The following TRIQK variants were observed in gnomAD, a reference collection of about 807,000 sequenced individuals.
The protein encoded by TRIQK is triple QxxK/R motif-containing protein.
A neutral mutation model predicts 10.8 loss-of-function variants in TRIQK; 10 were observed. The ratio of observed to expected loss-of-function variants is 0.92; its 90% CI spans 0.57 to 1.57. TRIQK has a LOEUF of 1.57. Ranked by LOEUF, TRIQK falls within the 40% of genes most tolerant of loss-of-function variation. The pLI, the probability that TRIQK is intolerant of heterozygous loss-of-function variation, is 0.00. For synonymous variants in TRIQK, 33 were observed against 33.7 expected (o/e 0.98, Z 0.07); for missense variants, 107 against 97.7 (o/e 1.09, Z -0.40).
chr8:92,964,431 T>C (rs957819587), intron 1 of TRIQK, among the ~76,000 whole-genome samples: 4 of 149,100 alleles, frequency 2.7e-5, no homozygotes, highest in African/African-American at 9.8e-5. Flanking sequence ...TAAAAGGTAA[T>C]GTTTCCCAAT....
At chr8:92,926,713 A>G (rs917667363) in intron 2 of TRIQK, among the ~76,000 whole-genome samples, 2 of 152,220 alleles carry the variant, frequency 1.3e-5, no homozygotes, top group Admixed American at 1.3e-4. Flanking sequence ...AAAATTATAC[A>G]TAAGACTTGA....
chr8:92,981,558 T>C (rs1411263566), intron 1 of TRIQK, among the ~76,000 whole-genome samples: 10 of 151,874 alleles, frequency 6.6e-5, no homozygotes, highest in Admixed American at 5.9e-4. Flanking sequence ...GATTGGTACA[T>C]AAAGAACCAT....
intron 1 of TRIQK, chr8:92,965,195 A>C (rs1406207072): frequency 6.6e-6 from 1 of 152,188 alleles, no homozygotes; most frequent in Non-Finnish European, 1.5e-5. Flanking sequence ...GAGATTATAC[A>C]TTGGGGCTCC....
intron 3 of TRIQK, among the ~76,000 whole-genome samples, chr8:92,899,515 T>C (rs530011710): frequency 1.3e-5 from 2 of 152,282 alleles, no homozygotes; most frequent in South Asian, 4.1e-4. Flanking sequence ...TTTCTTTCTG[T>C]ACCTGGCTTA....
At chr8:92,892,395 A>C (rs924146651) in intron 3 of TRIQK, among the ~76,000 whole-genome samples, 3 of 151,976 alleles carry the variant, frequency 2.0e-5, no homozygotes, top group Non-Finnish European at 4.4e-5. Flanking sequence ...CAGATGCATA[A>C]GTAAATGAGT....
intron 1 of TRIQK, among the ~76,000 whole-genome samples, chr8:92,962,045 CAT>C (rs1236026558): frequency 2.0e-5 from 3 of 152,242 alleles, no homozygotes; most frequent in African/African-American, 7.2e-5. Flanking sequence ...TTCATGGAAA[CAT>C]ACACCTATCT....
At chr8:92,987,592 A>G (rs1433666603) in intron 1 of TRIQK, among the ~76,000 whole-genome samples, 1 of 152,230 alleles carries the variant, frequency 6.6e-6, no homozygotes, top group African/African-American at 2.4e-5. Flanking sequence ...AGCTATTACC[A>G]GAAGTAATTG....
chr8:92,990,046 G>A (rs545769100), intron 1 of TRIQK, among the ~76,000 whole-genome samples: 5 of 151,830 alleles, frequency 3.3e-5, no homozygotes, highest in Non-Finnish European at 5.9e-5. Context: ...TCATAAAAAA[G>A]CAATTTATAA....
intron 1 of TRIQK, among the ~76,000 whole-genome samples, chr8:92,959,395 A>C (rs897207547): frequency 2.0e-5 from 3 of 151,944 alleles, no homozygotes; most frequent in African/African-American, 7.3e-5. Flanking sequence ...TCATGCAAAC[A>C]ATGTTTTATA....
upstream of TRIQK, among the ~76,000 whole-genome samples, chr8:92,969,202 A>G (rs1424191055): frequency 3.3e-5 from 5 of 152,114 alleles, no homozygotes; most frequent in Non-Finnish European, 5.9e-5. Flanking sequence ...TGGTTACTGT[A>G]GTATAGATTG....
chr8:92,947,083 G>A (rs761380657), intron 2 of TRIQK, among the ~76,000 whole-genome samples: 12 of 151,600 alleles, frequency 7.9e-5, no homozygotes, highest in African/African-American at 2.4e-4. Flanking sequence ...TTTTAACTAC[G>A]TGTGTCACCT....
At chr8:92,990,377 T>G (rs1274980729) in intron 1 of TRIQK, among the ~76,000 whole-genome samples, 1 of 152,188 alleles carries the variant, frequency 6.6e-6, no homozygotes, top group Non-Finnish European at 1.5e-5. Flanking sequence ...TTTTGTGCTT[T>G]CTTTGTATTT....
chr8:92,915,980 A>T (rs1281271546), intron 3 of TRIQK, among the ~76,000 whole-genome samples: 1 of 152,020 alleles, frequency 6.6e-6, no homozygotes, highest in Non-Finnish European at 1.5e-5. Flanking sequence ...CTGACTTCTA[A>T]TGTAACTTCT....
intron 1 of TRIQK, among the ~76,000 whole-genome samples, chr8:93,013,669 A>G (rs1159584235): frequency 6.6e-6 from 1 of 152,168 alleles, no homozygotes; most frequent in East Asian, 1.9e-4. Context: ...GGTTAAGTAC[A>G]TGCCATTAAT....
chr8:93,000,563 T>C (rs1158008671), intron 1 of TRIQK, among the ~76,000 whole-genome samples: 1 of 152,120 alleles, frequency 6.6e-6, no homozygotes, highest in Non-Finnish European at 1.5e-5. Context: ...GAGCTACAAT[T>C]CAAGAAGAGA....
At chr8:92,914,089 G>A (rs1041077214) in intron 3 of TRIQK, among the ~76,000 whole-genome samples, 1 of 152,100 alleles carries the variant, frequency 6.6e-6, no homozygotes, top group African/African-American at 2.4e-5. Context: ...TGCACGTTCT[G>A]CACATGTATC....
At chr8:93,015,733 T>A (rs1813378844) in intron 1 of TRIQK, among the ~76,000 whole-genome samples, 1 of 152,090 alleles carries the variant, frequency 6.6e-6, no homozygotes, top group Non-Finnish European at 1.5e-5. Context: ...TAGGGGCAAA[T>A]GTTTTATTAA....
intron 1 of TRIQK, among the ~76,000 whole-genome samples, chr8:92,989,254 A>T (rs192184964): frequency 6.6e-6 from 1 of 152,370 alleles, no homozygotes; most frequent in Non-Finnish European, 1.5e-5. Flanking sequence ...GGGCTAGAAT[A>T]AAATATGTCA....
At chr8:92,994,476 C>T (rs1301791019) in intron 1 of TRIQK, among the ~76,000 whole-genome samples, 2 of 151,922 alleles carry the variant, frequency 1.3e-5, no homozygotes, top group African/African-American at 2.4e-5. Context: ...ACAACTGCTG[C>T]ACTAATAGAA....
Sources: gnomAD v4.1 joint callset for allele counts (sites outside exome capture counted in the v4.1 genomes callset) on GRCh38, gnomAD v4.1.1 for gene constraint, MANE v1.5 for transcripts, NCBI Gene and HGNC (gene_info 2026-07-23, HGNC 2026-07-21) for gene names.